The following ALG12 variants were observed in gnomAD, a reference collection of about 807,000 sequenced individuals.
ALG12 encodes ALG12 alpha-1,6-mannosyltransferase.
ALG12 carries 36 observed loss-of-function variants against 46.0 expected under a neutral mutation model. The ratio of observed to expected loss-of-function variants is 0.78; its 90% CI spans 0.60 to 1.03. The LOEUF (loss-of-function observed/expected upper bound fraction) is 1.03. Ranked by LOEUF, ALG12 falls within the 50% of genes least tolerant of loss-of-function variation. The pLI, the probability that ALG12 is intolerant of heterozygous loss-of-function variation, is 0.00. For missense variants in ALG12, 599 were observed against 633.5 expected (o/e 0.95, Z 0.58); for synonymous variants, 326 against 291.6 (o/e 1.12, Z -1.20).
At chr22:49,894,778 C>T in the ALG12 span, among the ~76,000 whole-genome samples, 1 of 152,260 alleles carries the variant, frequency 6.6e-6, no homozygotes, top group Non-Finnish European at 1.5e-5. Context: ...CTGACCACTC[C>T]CTCTGGCCCC....
In ALG12 at chr22:49,910,103, G is replaced by A. The variant is rs367584975; in HGVS notation, c.470-15C>T. 44 of 1,592,464 alleles carry A rather than the reference G, an allele frequency of 2.8e-5. No individual in the cohort carries two copies. The highest frequency in any genetic ancestry group is 4.5e-5 in the South Asian group (4 of 88,588). ...GGCCAGCAGGACTGCAAGACAGTGC[G>A]GGAGGGTGCTCGTCAAGACACAGGG... On this transcript the variant is annotated splice_polypyrimidine_tract_variant and intron_variant, in intron 4 of 9. Coordinates refer to ENST00000330817, the MANE Select transcript of ALG12 (RefSeq NM_024105.4).
At chr22:49,883,157 AT>A in the ALG12 span, among the ~76,000 whole-genome samples, 2 of 152,068 alleles carry the variant, frequency 1.3e-5, no homozygotes, top group African/African-American at 4.8e-5. Context: ...TTATTTTGCA[AT>A]TTGGGGGTAT....
the ALG12 span, among the ~76,000 whole-genome samples, chr22:49,875,550 A>G: frequency 6.6e-6 from 1 of 151,654 alleles, no homozygotes; most frequent in Non-Finnish European, 1.5e-5. Flanking sequence ...CCTCTCAGGT[A>G]GCTGGGGTTA....
the ALG12 span, chr22:49,884,150 G>C: frequency 6.2e-7 from 1 of 1,613,666 alleles, no homozygotes. Flanking sequence ...CACGTGAGGC[G>C]CGCACACCCG....
At chr22:49,904,750 A>G (rs1167093430) in intron 7 of ALG12, among the ~76,000 whole-genome samples, 1 of 152,070 alleles carries the variant, frequency 6.6e-6, no homozygotes. Flanking sequence ...AAATATATAT[A>G]TATTTTTGAG....
rs1453896907 is a variant in ALG12, at chr22:49,908,026, G to A, written c.769-82C>T. 1.2e-5 allele frequency: 16 copies of A among 1,391,188 alleles called. No homozygotes were observed. The East Asian group carries it at 2.1e-4, about 19-fold the overall frequency. The allele number at this position is 1,391,188 out of a possible 1,614,324, so 86.2% of individuals were successfully genotyped here. A position where few individuals can be genotyped will look rare whatever the true frequency, so the allele number is the denominator to read the frequency against. ...GTGGCAGGGTCAAGGTGGAGAAGAC[G>A]CTTGAAGACAGTTGTGCTGAGAGAT... On this transcript the variant is annotated intron_variant, in intron 6 of 9. Coordinates refer to ENST00000330817, the MANE Select transcript of ALG12 (RefSeq NM_024105.4).
In ALG12 at chr22:49,913,768, C is replaced by G; in HGVS notation, c.-3G>C. On this transcript the variant is annotated 5_prime_UTR_variant, in exon 2 of 10. Transcript: ENST00000330817. ...CCTGATGACCCCTTTCCAGCCATTC[C>G]AGGCTTTCAGCTTCACGTACCTTCA... The G allele has an allele frequency of 6.2e-7, 1 of 1,613,236 alleles. No individual in the cohort carries two copies. The highest frequency in any genetic ancestry group is 8.5e-7 in the Non-Finnish European group (1 of 1,180,032).
downstream of ALG12, among the ~76,000 whole-genome samples, chr22:49,897,392 G>C (rs2060487534): frequency 6.6e-6 from 1 of 152,170 alleles, no homozygotes; most frequent in African/African-American, 2.4e-5. Context: ...AGTTCTGTAC[G>C]AAGCTGCCAA....
chr22:49,881,787 C>T, the ALG12 span, among the ~76,000 whole-genome samples: 1 of 152,312 alleles, frequency 6.6e-6, no homozygotes, highest in South Asian at 2.1e-4. Flanking sequence ...CCCACCTCAG[C>T]CTCCCAAGTA....
At chr22:49,912,082 A>AG (rs2060581180) in intron 3 of ALG12, among the ~76,000 whole-genome samples, 3 of 140,692 alleles carry the variant, frequency 2.1e-5, no homozygotes, top group African/African-American at 8.4e-5. Context: ...CCCCGGGATC[A>AG]CCCTCGGCCC....
rs1216107402 is a variant in ALG12 at position 49,905,429 on chromosome 22, T to C, written c.993-923A>G. Among the ~76,000 whole-genome samples the C allele has an allele frequency of 5.3e-5, 8 of 152,146 alleles. No homozygotes were observed. Among genetic ancestry groups the C allele is most frequent in the African/African-American group, 1.4e-4 (6 of 41,416 alleles). Reference sequence around the variant, plus strand: ...CATGTCCAACTGTGATCCCCAATGCTGGAGGTGGGGCCTGGTGGGAGGTGA... The same window carrying C: ...CATGTCCAACTGTGATCCCCAATGCCGGAGGTGGGGCCTGGTGGGAGGTGA... On this transcript the variant is annotated intron_variant, in intron 7 of 9. Transcript: ENST00000330817. This position sits in a 1 kb window ranked among gnomAD's most constrained non-coding sequence, Gnocchi z 4.9.
At chr22:49,890,663 C>T in the ALG12 span, among the ~76,000 whole-genome samples, 1 of 152,156 alleles carries the variant, frequency 6.6e-6, no homozygotes, top group Non-Finnish European at 1.5e-5. Context: ...ACTGATGAGG[C>T]TTTCCTGGGT....
rs1166581040 is a variant in ALG12, at chr22:49,903,612, T to C, written c.*226A>G. The stretch of plus-strand genomic sequence containing the variant: ...GGCCACCATCACCCTGGGCAGTGGC[T>C]CCCGGGGTGCCAACAAGACCTGGGC... On this transcript the variant is annotated 3_prime_UTR_variant, in exon 10 of 10. Transcript: ENST00000330817. The C allele has an allele frequency of 7.2e-6, 5 of 693,590 alleles. No individual in the cohort carries two copies. Among genetic ancestry groups the C allele is most frequent in the Non-Finnish European group, 1.3e-5 (5 of 381,440 alleles). 43.0% of individuals were successfully genotyped at this position (693,590 alleles called of 1,614,324 possible).
chr22:49,862,770 C>T, the ALG12 span, among the ~76,000 whole-genome samples: 4 of 135,296 alleles, frequency 3.0e-5, no homozygotes, highest in African/African-American at 5.7e-5. Context: ...GTCGTGATCT[C>T]GGCTCACTGC....
chr22:49,883,690 A>C, the ALG12 span: 1 of 1,594,858 alleles, frequency 6.3e-7, no homozygotes, highest in African/African-American at 1.3e-5. Flanking sequence ...AACTTGTCCC[A>C]AAGAGGACGG....
At chr22:49,907,442 C>G (rs893252211) in intron 7 of ALG12, among the ~76,000 whole-genome samples, 1 of 152,180 alleles carries the variant, frequency 6.6e-6, no homozygotes, top group Non-Finnish European at 1.5e-5. Context: ...TGGGGTCACC[C>G]TCCTTTGACA....
the ALG12 span, chr22:49,885,496 C>T: frequency 1.9e-6 from 3 of 1,611,648 alleles, no homozygotes; most frequent in Non-Finnish European, 2.5e-6. Context: ...TAGCAACGTG[C>T]TGAAAACTGA....
chr22:49,878,804 C>A, the ALG12 span, among the ~76,000 whole-genome samples: 2 of 151,998 alleles, frequency 1.3e-5, no homozygotes, highest in Non-Finnish European at 2.9e-5. Flanking sequence ...TTGAGACCAG[C>A]CTGGCAAACA....
chr22:49,899,427 G>A (rs1180328240), downstream of ALG12, among the ~76,000 whole-genome samples: 1 of 150,854 alleles, frequency 6.6e-6, no homozygotes, highest in African/African-American at 2.4e-5. Flanking sequence ...GCAGTGAGCC[G>A]AGATCGCACC....
Sources: allele counts gnomAD v4.1 joint callset (sites outside exome capture counted in the v4.1 genomes callset), GRCh38; gene constraint gnomAD v4.1.1; non-coding constraint Gnocchi (gnomAD v3.1); transcripts MANE v1.5; gene names NCBI Gene and HGNC (gene_info 2026-07-23, HGNC 2026-07-21).